The following PRDM16 variants were observed in gnomAD, a reference collection of about 807,000 sequenced individuals.
The protein encoded by PRDM16 is PR/SET domain 16, also known as histone-lysine N-methyltransferase PRDM16.
Under a neutral mutation model 110.6 loss-of-function variants are expected in PRDM16, and 23 were observed. The observed-to-expected ratio is 0.21, with a 90% CI of 0.15 to 0.29. The LOEUF is 0.29. Among genes scored for constraint, PRDM16 ranks in the 10% least tolerant of loss-of-function variants. The pLI is 1.00. For synonymous variants in PRDM16, 799 were observed against 781.8 expected, an observed-to-expected ratio of 1.02 and a Z score of -0.37; for missense variants, 1,615 against 1,794.3, an observed-to-expected ratio of 0.90 and a Z score of 1.81.
chr1:3,402,538 G>A (rs1176579084), intron 5 of PRDM16, among the ~76,000 whole-genome samples: 11 of 152,302 alleles, frequency 7.2e-5, no homozygotes, highest in African/African-American at 2.6e-4. Flanking sequence ...TGTCGCCCGG[G>A]GCTCCCTCTG....
intron 8 of PRDM16, among the ~76,000 whole-genome samples, chr1:3,406,088 C>T (rs139714416): frequency 6.6e-6 from 1 of 152,294 alleles, no homozygotes; most frequent in Non-Finnish European, 1.5e-5. Context: ...ATTGTCAGGG[C>T]GGTGTCTCTA....
At chr1:3,153,594 C>A (rs1044184710) in intron 1 of PRDM16, among the ~76,000 whole-genome samples, 1 of 152,218 alleles carries the variant, frequency 6.6e-6, no homozygotes, top group African/African-American at 2.4e-5. Flanking sequence ...TCAACGCTGG[C>A]AACAGTTTCT....
chr1:3,237,289 G>C (rs1639560273), intron 2 of PRDM16, among the ~76,000 whole-genome samples: 1 of 152,042 alleles, frequency 6.6e-6, no homozygotes, highest in Non-Finnish European at 1.5e-5. Context: ...TCTCTGGGGT[G>C]CTCATTTGCC....
intron 8 of PRDM16, among the ~76,000 whole-genome samples, chr1:3,408,491 TGA>T (rs1246381256): frequency 2.0e-5 from 3 of 151,812 alleles, no homozygotes; most frequent in Non-Finnish European, 2.9e-5. Flanking sequence ...TGAGAGTGTG[TGA>T]GTGTGGGCGC....
rs557805157 is a variant in PRDM16 at position 3,083,949 on chromosome 1, G to A, written c.37+14653G>A. On this transcript the variant is annotated intron_variant, in intron 1 of 16. Coordinates refer to ENST00000270722, the MANE Select transcript of PRDM16 (RefSeq NM_022114.4). Reference sequence around the variant, plus strand: ...CTCCATGAGCTGGACTGGCTTTACCGTGGAGACTTATGCAGAGATCAGATC... The same window carrying A: ...CTCCATGAGCTGGACTGGCTTTACCATGGAGACTTATGCAGAGATCAGATC... Among the ~76,000 whole-genome samples the A allele has an allele frequency of 1.2e-4, 18 of 152,358 alleles. No individual in the cohort carries two copies. The East Asian group carries it at 3.1e-3, about 26-fold the overall frequency.
chr1:3,158,310 AG>A (rs1643873564), intron 1 of PRDM16, among the ~76,000 whole-genome samples: 1 of 152,258 alleles, frequency 6.6e-6, no homozygotes, highest in Non-Finnish European at 1.5e-5. Flanking sequence ...AAGGGAAGCC[AG>A]GCTCAGCTGA....
Position 3,250,226 on chromosome 1 carries a change from C to A in PRDM16, c.438+6089C>A, listed in dbSNP as rs569790925. Among the ~76,000 whole-genome samples, 183 of 152,060 alleles carry A rather than the reference C, an allele frequency of 1.2e-3. 1 individual carries two copies. Among genetic ancestry groups the A allele is most frequent in the African/African-American group, 4.1e-3 (171 of 41,492 alleles). ...CCAGTCCGCAGGGCAGAAATCAGGC[C>A]TGAGGGAGGGGCCGCAGCCACAGCT... On this transcript the variant is annotated intron_variant, in intron 3 of 16. Transcript: ENST00000270722.
chr1:3,211,804 C>T (rs1483940638), intron 2 of PRDM16, among the ~76,000 whole-genome samples: 1 of 152,252 alleles, frequency 6.6e-6, no homozygotes, highest in Non-Finnish European at 1.5e-5. Context: ...CGTGTCCATG[C>T]GTGTGCACGT....
At chr1:3,253,277 T>C (rs1639978536) in intron 3 of PRDM16, among the ~76,000 whole-genome samples, 1 of 151,864 alleles carries the variant, frequency 6.6e-6, no homozygotes, top group Non-Finnish European at 1.5e-5. Context: ...TACATATGTA[T>C]ACATGTGCCA....
chr1:3,241,110 C>G (rs564594140), intron 2 of PRDM16, among the ~76,000 whole-genome samples: 2 of 152,242 alleles, frequency 1.3e-5, no homozygotes, highest in Non-Finnish European at 2.9e-5. Context: ...TTTTTCCAGC[C>G]GAGGTCAGCA....
chr1:3,407,847 C>CTCTTGCGCT (rs1643587789), intron 8 of PRDM16, among the ~76,000 whole-genome samples: 1 of 152,252 alleles, frequency 6.6e-6, no homozygotes, highest in Non-Finnish European at 1.5e-5. Flanking sequence ...GCCTCGGCGA[C>CTCTTGCGCT]TCTTGCGCTT....
intron 5 of PRDM16, among the ~76,000 whole-genome samples, chr1:3,396,887 G>T (rs1372308302): frequency 6.6e-6 from 1 of 152,236 alleles, no homozygotes; most frequent in African/African-American, 2.4e-5. Context: ...CTGGTATCCA[G>T]TGGATTATGT....
chr1:3,298,767 G>A (rs190620762), intron 3 of PRDM16, among the ~76,000 whole-genome samples: 3 of 152,282 alleles, frequency 2.0e-5, no homozygotes, highest in East Asian at 1.9e-4. Flanking sequence ...TGCCAGTTCT[G>A]GAGCTGTAGG....
intron 3 of PRDM16, among the ~76,000 whole-genome samples, chr1:3,288,713 G>A (rs1051308384): frequency 3.9e-5 from 6 of 152,056 alleles, no homozygotes; most frequent in Admixed American, 2.6e-4. Context: ...AAGTCCTGCA[G>A]CCAGGAGGGG....
At chr1:3,354,161 A>T (rs1388159429) in intron 3 of PRDM16, among the ~76,000 whole-genome samples, 1 of 152,206 alleles carries the variant, frequency 6.6e-6, no homozygotes, top group East Asian at 1.9e-4. Flanking sequence ...GACGCTGCAG[A>T]TAAAGAACCA....
At chr1:3,099,315 T>C (rs1180089221) in intron 1 of PRDM16, among the ~76,000 whole-genome samples, 13 of 152,240 alleles carry the variant, frequency 8.5e-5, no homozygotes, top group African/African-American at 3.1e-4. Flanking sequence ...CCTATTCCTG[T>C]AACATACAGA....
chr1:3,405,987 C>G (rs913580667), intron 8 of PRDM16, among the ~76,000 whole-genome samples: 3 of 152,168 alleles, frequency 2.0e-5, no homozygotes, highest in Non-Finnish European at 4.4e-5. Context: ...TACTCCCGTC[C>G]CCCGAACTCA....
chr1:3,371,200 TCCATCCAC>T (rs796765543), intron 3 of PRDM16, among the ~76,000 whole-genome samples: 1,854 of 112,410 alleles, frequency 0.016, 45 homozygotes, highest in African/African-American at 0.084. Context: ...CATCCATCCA[TCCATCCAC>T]CCACCCACCC....
intron 3 of PRDM16, among the ~76,000 whole-genome samples, chr1:3,366,730 T>A (rs1642822985): frequency 6.6e-6 from 1 of 152,150 alleles, no homozygotes; most frequent in Non-Finnish European, 1.5e-5. Context: ...GATTAGGGCG[T>A]CTCGTGAAAG....
Sources: allele counts gnomAD v4.1 joint callset (sites outside exome capture counted in the v4.1 genomes callset), GRCh38; gene constraint gnomAD v4.1.1; transcripts MANE v1.5; gene names NCBI Gene and HGNC (gene_info 2026-07-23, HGNC 2026-07-21).